LMBRD1: variants seen among roughly 807,000 people sequenced by gnomAD.
LMBRD1 encodes lysosomal cobalamin transport escort protein LMBD1.
Under a neutral mutation model 74.8 loss-of-function variants are expected in LMBRD1, and 64 were observed. That is an observed-to-expected ratio of 0.86 (90% CI 0.70 to 1.05). The LOEUF is 1.05. LMBRD1 is among the 50% of genes least tolerant of loss of function. The probability of loss-of-function intolerance (pLI) is 0.00; values close to 1 mark genes in which losing one functional copy is unlikely to be tolerated. For synonymous variants in LMBRD1, 204 were observed against 216.3 expected (o/e 0.94, Z 0.50); for missense variants, 652 against 645.9 (o/e 1.01, Z -0.10).
chr6:69,687,957 A>G (rs1298040054), intron 14 of LMBRD1, among the ~76,000 whole-genome samples: 1 of 152,124 alleles, frequency 6.6e-6, no homozygotes, highest in Non-Finnish European at 1.5e-5. Flanking sequence ...TCAGAAATCT[A>G]AAGCTTAATA....
intron 3 of LMBRD1, among the ~76,000 whole-genome samples, chr6:69,780,178 C>T (rs1415086533): frequency 6.7e-6 from 1 of 148,970 alleles, no homozygotes; most frequent in Non-Finnish European, 1.5e-5. Context: ...TCAAACCAAT[C>T]CTGAGCCCTA....
At chr6:69,758,596 A>G (rs1765314402) in intron 3 of LMBRD1, among the ~76,000 whole-genome samples, 1 of 152,108 alleles carries the variant, frequency 6.6e-6, no homozygotes. Flanking sequence ...TAGTACTCTC[A>G]TGATGTTATG....
chr6:69,751,300 T>C (rs1426204923), intron 4 of LMBRD1, among the ~76,000 whole-genome samples: 1 of 152,108 alleles, frequency 6.6e-6, no homozygotes, highest in Non-Finnish European at 1.5e-5. Flanking sequence ...ATGTGTGCTG[T>C]ATTTGTCAGG....
At chr6:69,742,965 A>AG (rs1482290102) in intron 5 of LMBRD1, among the ~76,000 whole-genome samples, 1 of 152,044 alleles carries the variant, frequency 6.6e-6, no homozygotes, top group African/African-American at 2.4e-5. Context: ...CACCACTTTT[A>AG]GAAAAAAAAA....
intron 10 of LMBRD1, 53 bp downstream of exon 10, chr6:69,701,836 T>C (rs1287588253): frequency 4.1e-6 from 5 of 1,234,110 alleles, no homozygotes; most frequent in Non-Finnish European, 4.8e-6. Flanking sequence ...ACAAAATGTA[T>C]ATTATCATAG....
chr6:69,680,778 T>C (rs762786004), intron 14 of LMBRD1, among the ~76,000 whole-genome samples: 1 of 152,080 alleles, frequency 6.6e-6, no homozygotes, highest in Non-Finnish European at 1.5e-5. Context: ...CATATAAAAA[T>C]TTTTGCTAAT....
At chr6:69,768,420 C>T (rs568362532) in intron 3 of LMBRD1, among the ~76,000 whole-genome samples, 210 of 151,712 alleles carry the variant, frequency 1.4e-3, no homozygotes, top group African/African-American at 4.8e-3. Flanking sequence ...TCACAATTTA[C>T]CTTCAATTAA....
chr6:69,748,902 G>A (rs1765054388), intron 5 of LMBRD1, among the ~76,000 whole-genome samples: 1 of 151,918 alleles, frequency 6.6e-6, no homozygotes, highest in Non-Finnish European at 1.5e-5. Context: ...TATTTATAAT[G>A]GGGAAACATT....
At chr6:69,696,393 T>A (rs1765997343) in intron 14 of LMBRD1, among the ~76,000 whole-genome samples, 1 of 152,186 alleles carries the variant, frequency 6.6e-6, no homozygotes, top group African/African-American at 2.4e-5. Flanking sequence ...ATTAACTTAC[T>A]AAAAATAAAT....
chr6:69,713,382 TGAA>T (rs1766423934), intron 9 of LMBRD1, among the ~76,000 whole-genome samples: 1 of 152,174 alleles, frequency 6.6e-6, no homozygotes, highest in Non-Finnish European at 1.5e-5. Context: ...AGTATAAACT[TGAA>T]GAATATGCTA....
At chr6:69,719,269 C>G (rs954743708) in intron 7 of LMBRD1, among the ~76,000 whole-genome samples, 188 bp from the exon 8 acceptor site, 1 of 152,030 alleles carries the variant, frequency 6.6e-6, no homozygotes. Context: ...TTGCATTAAA[C>G]AGAGTCAAAT....
chr6:69,726,494 T>C (rs1426672489), intron 7 of LMBRD1, among the ~76,000 whole-genome samples: 5 of 152,176 alleles, frequency 3.3e-5, no homozygotes, highest in Non-Finnish European at 7.3e-5. Context: ...CATCAACAGA[T>C]GAATGGATAA....
chr6:69,725,602 C>A (rs1766715092), intron 7 of LMBRD1, among the ~76,000 whole-genome samples: 1 of 152,088 alleles, frequency 6.6e-6, no homozygotes, highest in African/African-American at 2.4e-5. Flanking sequence ...TAAACTCATT[C>A]TTGACAAAGG....
At chr6:69,753,612 C>A (rs1394995247) in intron 3 of LMBRD1, among the ~76,000 whole-genome samples, 1 of 152,192 alleles carries the variant, frequency 6.6e-6, no homozygotes, top group African/African-American at 2.4e-5. Flanking sequence ...TGAAAACAGA[C>A]TCTCGAAGAG....
At chr6:69,698,625 T>C (rs1413259789) in intron 13 of LMBRD1, among the ~76,000 whole-genome samples, 1 of 151,932 alleles carries the variant, frequency 6.6e-6, no homozygotes, top group African/African-American at 2.4e-5. Context: ...GAATGTATAG[T>C]TATCTACATA....
chr6:69,763,476 T>C (rs1482554222), intron 3 of LMBRD1, among the ~76,000 whole-genome samples: 1 of 152,200 alleles, frequency 6.6e-6, no homozygotes, highest in Non-Finnish European at 1.5e-5. Context: ...GGAAGGTTGA[T>C]AGGCTTCTTG....
At position 69,697,716 on chromosome 6, in the gene LMBRD1, T is replaced by C. The variant is rs1766036156; in HGVS notation, c.1339-75A>G. On this transcript the variant is annotated intron_variant, in intron 13 of 15. Coordinates refer to ENST00000649934, the MANE Select transcript of LMBRD1 (RefSeq NM_018368.4). ...ATTTGGATTTAAAAAGTAATCACTA[T>C]GAACTGTATACTCTGTATACTAACT... 5 of 867,954 alleles carry C rather than the reference T, an allele frequency of 5.8e-6. No homozygotes were observed. In the East Asian group the frequency reaches 1.0e-4, roughly 18 times the overall value. 53.8% of individuals were successfully genotyped at this position (867,954 alleles called of 1,614,324 possible).
rs1322024042 is a variant in LMBRD1, at chr6:69,759,434, A to AGG, written c.308-7079_308-7078insCC. The stretch of plus-strand genomic sequence containing the variant: ...TTAAAAGAATCCCAATTAAGAGAGC[A>AGG]GCAAATCAAATCCAAAAATACATTT... On this transcript the variant is annotated intron_variant, in intron 3 of 15. Transcript: ENST00000649934. Among the ~76,000 whole-genome samples the AGG allele has an allele frequency of 5.3e-5, 8 of 152,270 alleles. No individual in the cohort carries two copies. In the East Asian group the frequency reaches 1.5e-3, roughly 29 times the overall value.
rs1253664178 is a variant in LMBRD1, at chr6:69,724,761, T to C, written c.637-5680A>G. Reference sequence around the variant, plus strand: ...ATATATGTGAGGTCCACAGCTAGTATCACATTGAATGGTGAAAAACTGAAA... The same window carrying C: ...ATATATGTGAGGTCCACAGCTAGTACCACATTGAATGGTGAAAAACTGAAA... On this transcript the variant is annotated intron_variant, in intron 7 of 15. Coordinates refer to ENST00000649934, the MANE Select transcript of LMBRD1 (RefSeq NM_018368.4). Among the ~76,000 whole-genome samples the C allele has an allele frequency of 3.3e-5, 5 of 151,966 alleles. No individual in the cohort carries two copies. In the East Asian group the frequency reaches 5.9e-4, roughly 18 times the overall value.
Sources: allele counts gnomAD v4.1 joint callset (sites outside exome capture counted in the v4.1 genomes callset), GRCh38; gene constraint gnomAD v4.1.1; transcripts MANE v1.5; gene names NCBI Gene and HGNC (gene_info 2026-07-23, HGNC 2026-07-21).